The following MID1 variants were observed in gnomAD, a reference collection of about 807,000 sequenced individuals.
MID1 encodes midline 1.
A neutral mutation model predicts 40.4 loss-of-function variants in MID1; 7 were observed. That is an observed-to-expected ratio of 0.17 (90% CI 0.10 to 0.33). The LOEUF is 0.33. MID1 is among the 10% of genes least tolerant of loss of function. The probability of loss-of-function intolerance (pLI) is 1.00; values close to 1 mark genes in which losing one functional copy is unlikely to be tolerated. For missense variants in MID1, 367 were observed against 558.5 expected, an observed-to-expected ratio of 0.66 and a Z score of 3.46; for synonymous variants, 229 against 221.2, an observed-to-expected ratio of 1.04 and a Z score of -0.31.
At chrX:10,648,597 A>G (rs1936285900) in intron 1 of MID1, among the ~76,000 whole-genome samples, 1 of 111,985 alleles carries the variant, frequency 8.9e-6, no homozygotes, top group South Asian at 3.7e-4. Context: ...TACCTCATTG[A>G]GATCGTAAGT....
At chrX:10,508,257 G>A (rs1339903053) in intron 3 of MID1, among the ~76,000 whole-genome samples, 2 of 111,957 alleles carry the variant, frequency 1.8e-5, no homozygotes, top group East Asian at 5.6e-4. Flanking sequence ...GTCCAATATG[G>A]CCACCACTAG....
chrX:10,708,982 A>G (rs1260522819), intron 1 of MID1, among the ~76,000 whole-genome samples: 1 of 112,683 alleles, frequency 8.9e-6, no homozygotes, highest in African/African-American at 3.2e-5. Context: ...GGAATTGTGG[A>G]TATCTGATCA....
chrX:10,766,002 A>AGAAAGAAG (rs2043725672), intron 1 of MID1, among the ~76,000 whole-genome samples: 2 of 103,386 alleles, frequency 1.9e-5, no homozygotes. Flanking sequence ...AAAGAAAGAA[A>AGAAAGAAG]GAAAGAACCA....
chrX:10,830,154 G>A (rs1168738374), intron 1 of MID1, among the ~76,000 whole-genome samples: 2 of 112,208 alleles, frequency 1.8e-5, no homozygotes, highest in Non-Finnish European at 3.8e-5. Context: ...AGATCATCTG[G>A]TCAGTGAAAG....
intron 7 of MID1, chrX:10,469,323 T>A: frequency 1.1e-6 from 1 of 951,375 alleles, no homozygotes; most frequent in Non-Finnish European, 1.3e-6. Flanking sequence ...TATGAATGTT[T>A]CTTTAAGCAA....
At chrX:10,487,638 G>A (rs1370836568) in intron 4 of MID1, among the ~76,000 whole-genome samples, 1 of 111,105 alleles carries the variant, frequency 9.0e-6, no homozygotes, top group East Asian at 2.8e-4. Context: ...AATTAACTGT[G>A]CCCATCCTTT....
chrX:10,555,622 TTTTC>T (rs905372911), intron 2 of MID1, among the ~76,000 whole-genome samples: 11 of 110,833 alleles, frequency 9.9e-5, no homozygotes, highest in South Asian at 3.8e-4. Context: ...AAATAAGGTT[TTTTC>T]TTTCTTTTTT....
At chrX:10,462,381 A>AACTT (rs1929099079) in intron 7 of MID1, among the ~76,000 whole-genome samples, 1 of 111,842 alleles carries the variant, frequency 8.9e-6, no homozygotes, top group African/African-American at 3.3e-5. Context: ...AGCACCACCT[A>AACTT]ACTTCTTGCA....
chrX:10,495,988 G>C (rs1403263324), intron 3 of MID1, among the ~76,000 whole-genome samples: 2 of 111,794 alleles, frequency 1.8e-5, no homozygotes, highest in African/African-American at 3.3e-5. Flanking sequence ...AAAATGATGT[G>C]TCATGTGAAA....
intron 7 of MID1, among the ~76,000 whole-genome samples, chrX:10,465,200 TATATATATATATATAC>T (rs1216372084): frequency 4.6e-5 from 3 of 65,223 alleles, no homozygotes; most frequent in Non-Finnish European, 8.1e-5. Flanking sequence ...TATATATATA[TATATATATATATATAC>T]ACACACACAC....
At position 10,484,968 on chromosome X, in the gene MID1, G is replaced by A. The variant is rs570331564; in HGVS notation, c.865-2340C>T. 3.2e-4 allele frequency among the ~76,000 whole-genome samples: 35 copies of A among 108,281 alleles called. No homozygotes were observed. The South Asian group carries it at 9.8e-3, about 30-fold the overall frequency. 94.0% of individuals were successfully genotyped at this position (108,281 alleles called of 115,157 possible). Reference sequence around the variant, plus strand: ...TGATGTCATATATATTTCTTACTGCGGGTTACAGTAAAAAAAAAAAGAAAA... The same window carrying A: ...TGATGTCATATATATTTCTTACTGCAGGTTACAGTAAAAAAAAAAAGAAAA... On this transcript the variant is annotated intron_variant, in intron 4 of 9. Transcript: ENST00000317552.
intron 3 of MID1, among the ~76,000 whole-genome samples, chrX:10,513,204 G>A (rs1200493354): frequency 8.9e-6 from 1 of 112,236 alleles, no homozygotes; most frequent in Non-Finnish European, 1.9e-5. Context: ...TATACACAGA[G>A]ATAATTTCAA....
At chrX:10,828,309 T>C (rs773727559) in intron 1 of MID1, among the ~76,000 whole-genome samples, 36 of 111,327 alleles carry the variant, frequency 3.2e-4, no homozygotes, top group African/African-American at 1.1e-3. Flanking sequence ...GGACGCCACA[T>C]CAGATTAAAT....
At position 10,719,485 on chromosome X, in the gene MID1, T is replaced by C. The variant is rs1413752065; in HGVS notation, c.-186-99066A>G. Reference sequence around the variant, plus strand: ...GAATAAAAAACCTAGGAATCCAACTTACAAGGGATGTGAAGGACCTCTTCA... The same window carrying C: ...GAATAAAAAACCTAGGAATCCAACTCACAAGGGATGTGAAGGACCTCTTCA... On this transcript the variant is annotated intron_variant, in intron 1 of 10. Coordinates refer to the MID1 transcript ENST00000380785. Among the ~76,000 whole-genome samples, 3 of 110,964 alleles carry C rather than the reference T, an allele frequency of 2.7e-5. No individual in the cohort carries two copies. The East Asian group carries it at 8.5e-4, about 31-fold the overall frequency.
chrX:10,650,262 C>A (rs1193333284), intron 1 of MID1, among the ~76,000 whole-genome samples: 1 of 110,533 alleles, frequency 9.0e-6, no homozygotes, highest in Non-Finnish European at 1.9e-5. Flanking sequence ...GAATTAAAGG[C>A]CTTTAGAAAT....
At chrX:10,455,279 G>T (rs183058991) in intron 8 of MID1, among the ~76,000 whole-genome samples, 7 of 111,986 alleles carry the variant, frequency 6.3e-5, no homozygotes, top group Non-Finnish European at 1.1e-4. Context: ...ACATTTGCTT[G>T]CAAAGTTTTC....
At chrX:10,455,127 A>G in intron 8 of MID1, 50 bp from the exon 9 acceptor site, 1 of 1,056,358 alleles carries the variant, frequency 9.5e-7, no homozygotes, top group Non-Finnish European at 1.3e-6. Flanking sequence ...AGGATTGTTT[A>G]TTTTATCATA....
intron 1 of MID1, among the ~76,000 whole-genome samples, chrX:10,683,516 C>T (rs940896794): frequency 4.5e-5 from 5 of 110,107 alleles, no homozygotes; most frequent in Non-Finnish European, 3.8e-5. Flanking sequence ...CACTCTAGCC[C>T]GGGCAGCACA....
At chrX:10,716,620 G>T (rs2043305423) in intron 1 of MID1, among the ~76,000 whole-genome samples, 1 of 111,832 alleles carries the variant, frequency 8.9e-6, no homozygotes, top group South Asian at 3.8e-4. Context: ...AAAACACTCT[G>T]CAGGATATTA....
Sources: allele counts gnomAD v4.1 joint callset (sites outside exome capture counted in the v4.1 genomes callset), GRCh38; gene constraint gnomAD v4.1.1; transcripts MANE v1.5; gene names NCBI Gene and HGNC (gene_info 2026-07-23, HGNC 2026-07-21).